The following CFI variants were observed in gnomAD, a reference collection of about 807,000 sequenced individuals.
CFI encodes the protein C3B/C4B inactivator.
A neutral mutation model predicts 78.8 loss-of-function variants in CFI; 66 were observed. That is an observed-to-expected ratio of 0.84 (90% CI 0.69 to 1.03). The LOEUF (loss-of-function observed/expected upper bound fraction) is 1.03, where lower values mean the gene tolerates loss of function less well. Among genes scored for constraint, CFI ranks in the 50% least tolerant of loss-of-function variants. CFI has a pLI of 0.00. For missense variants in CFI, 706 were observed against 704.5 expected (o/e 1.00, Z -0.02); for synonymous variants, 250 against 232.6 (o/e 1.07, Z -0.68).
At chr4:109,736,771 C>T (rs1039595390), downstream of CFI, among the ~76,000 whole-genome samples, 1 of 152,172 alleles carries the variant, frequency 6.6e-6, no homozygotes, top group African/African-American at 2.4e-5. Flanking sequence ...GGGTTCCTGG[C>T]TACTTCCAAA....
chr4:109,777,385 A>C (rs1486913862), intron 1 of CFI, among the ~76,000 whole-genome samples: 1 of 152,204 alleles, frequency 6.6e-6, no homozygotes, highest in Non-Finnish European at 1.5e-5. Flanking sequence ...GAGACAAAGA[A>C]AGTCATTACA....
intron 12 of CFI, 44 bp downstream of exon 12, chr4:109,742,447 A>T (rs1269555712): frequency 8.1e-6 from 10 of 1,238,532 alleles, no homozygotes; most frequent in Non-Finnish European, 1.2e-5. Flanking sequence ...TGATAGGGGA[A>T]ATACATACAT....
intron 7 of CFI, among the ~76,000 whole-genome samples, chr4:109,753,153 A>C (rs369939254): frequency 1.3e-5 from 1 of 75,412 alleles, no homozygotes; most frequent in Non-Finnish European, 2.3e-5. Context: ...ATATATATTT[A>C]TTATATAAAT....
downstream of CFI, among the ~76,000 whole-genome samples, chr4:109,736,138 T>C (rs115763763): frequency 3.3e-3 from 498 of 152,282 alleles, 6 homozygotes; most frequent in African/African-American, 0.011. Flanking sequence ...AGAACAGAAA[T>C]CTATAAACTC....
In CFI at chr4:109,760,282, C is replaced by A; in HGVS notation, c.871G>T (p.Val291Phe). ...GTCTTTCAATTACCTGCACAGCCAA[C>A]TTCATCTTCCCCTGTAATGCAGTCC... Reference protein sequence around the residue: ...EVDCITGEDEVGCAGFASVTQ... With the variant: ...EVDCITGEDEFGCAGFASVTQ... Residue 291 changes from valine (V) to phenylalanine (F), a missense_variant, in exon 6 of 13, where the codon GTT becomes TTT. Coordinates refer to ENST00000394634, the MANE Select transcript of CFI (RefSeq NM_000204.5). 1 of 1,613,418 alleles carries A rather than the reference C, an allele frequency of 6.2e-7. No homozygotes were observed. Among genetic ancestry groups the A allele is most frequent in the Non-Finnish European group, 8.5e-7 (1 of 1,179,330 alleles).
chr4:109,757,950 T>C (rs1195644574), intron 6 of CFI, 167 bp from the exon 7 acceptor site: 3 of 1,465,084 alleles, frequency 2.0e-6, no homozygotes, highest in Non-Finnish European at 2.7e-6. Context: ...AATTGTAGGA[T>C]GTCTAGCTGC....
intron 1 of CFI, among the ~76,000 whole-genome samples, chr4:109,771,161 GC>G (rs1728535573): frequency 6.6e-6 from 1 of 152,032 alleles, no homozygotes. Context: ...GGAGGCTGAG[GC>G]CAGCGGATCA....
At chr4:109,768,220 C>T (rs933574171) in intron 1 of CFI, among the ~76,000 whole-genome samples, 4 of 141,496 alleles carry the variant, frequency 2.8e-5, no homozygotes, top group Admixed American at 7.5e-5. Context: ...CAACATGGCA[C>T]GTGTATGCAT....
chr4:109,801,984 C>T lies in CFI; in HGVS notation c.-13G>A, dbSNP rs113612355. ...GAAGAAGCTTCATGTTGGAGGTGTT[C>T]GGGGTCTTTGTCTCTGCTGAGAACT... On this transcript the variant is annotated 5_prime_UTR_variant, in exon 1 of 13. Coordinates refer to ENST00000394634, the MANE Select transcript of CFI (RefSeq NM_000204.5). 0.022 allele frequency: 35,283 copies of T among 1,607,486 alleles called. 477 individuals carry two copies. The highest frequency in any genetic ancestry group is 0.034 in the Middle Eastern group (203 of 6,046).
At chr4:109,770,633 GAA>G (rs370657391) in intron 1 of CFI, among the ~76,000 whole-genome samples, 68 of 78,298 alleles carry the variant, frequency 8.7e-4, no homozygotes, top group African/African-American at 2.6e-3. Flanking sequence ...ACACAGACCA[GAA>G]AAAAAAAAAA....
intron 11 of CFI, 124 bp downstream of exon 11, chr4:109,746,098 T>A (rs1227767000): frequency 1.6e-5 from 19 of 1,159,544 alleles, no homozygotes; most frequent in Non-Finnish European, 2.0e-5. Flanking sequence ...CATGGCTGGA[T>A]GTTTACTTTT....
chr4:109,770,844 C>A (rs1476613747), intron 1 of CFI, among the ~76,000 whole-genome samples: 2 of 152,034 alleles, frequency 1.3e-5, no homozygotes, highest in Non-Finnish European at 2.9e-5. Context: ...AAGCTAAGCC[C>A]CACAGAACCC....
intron 11 of CFI, among the ~76,000 whole-genome samples, chr4:109,743,422 A>C (rs1724044554): frequency 6.6e-6 from 1 of 152,224 alleles, no homozygotes; most frequent in Admixed American, 6.5e-5. Flanking sequence ...TAGCTGAGGC[A>C]GCGAAAGGGC....
At position 109,746,329 on chromosome 4, in the gene CFI, T is replaced by C. The variant is rs41278047; in HGVS notation, c.1322A>G (p.Lys441Arg). 2.6e-3 allele frequency: 4,248 copies of C among 1,614,214 alleles called. 47 individuals carry two copies. In the Middle Eastern group the frequency reaches 0.03, roughly 11 times the overall value. Residue 441 changes from lysine to arginine, a missense_variant, in exon 11 of 13, where the codon AAA (lysine) becomes AGA (arginine). By Grantham distance (26) the Lys-to-Arg change is conservative. Transcript: ENST00000394634. ...GGAACGAGGCAGCTCACAATCTTTT[T>C]TGTTTCCGTCTTTTTTCATTTCAAT... ...ALIEMKKDGNKKDCELPRSIP... is the reference protein window; with the variant it reads ...ALIEMKKDGNRKDCELPRSIP...
At chr4:109,743,093 T>G (rs1355795530) in intron 11 of CFI, among the ~76,000 whole-genome samples, 1 of 152,246 alleles carries the variant, frequency 6.6e-6, no homozygotes, top group Non-Finnish European at 1.5e-5. Flanking sequence ...CCTAAGTGAT[T>G]TGAAGTTATT....
At chr4:109,768,779 T>C (rs771039451) in intron 1 of CFI, among the ~76,000 whole-genome samples, 1 of 152,218 alleles carries the variant, frequency 6.6e-6, no homozygotes, top group Non-Finnish European at 1.5e-5. Flanking sequence ...AAAATCATAG[T>C]CTTTAAATGC....
chr4:109,798,508 G>GTT (rs35617864), intron 1 of CFI, among the ~76,000 whole-genome samples: 4,133 of 74,756 alleles, frequency 0.055, 158 homozygotes, highest in Middle Eastern at 0.11. Flanking sequence ...TCAATAAAGT[G>GTT]TTTTTTTTTT....
Position 109,761,956 on chromosome 4 carries a change from A to C in CFI, c.483-264T>G, listed in dbSNP as rs1219385550. On this transcript the variant is annotated intron_variant, in intron 3 of 12. Transcript: ENST00000394634. The stretch of plus-strand genomic sequence containing the variant: ...TGTAATCCCAGCACTTTGGGAGGCC[A>C]AGGAGGGTGGATTACCTGAGGTCAA... The C allele has an allele frequency of 7.1e-6, 3 of 422,244 alleles. No homozygotes were observed. In the East Asian group the frequency reaches 1.5e-4, roughly 21 times the overall value. 26.2% of individuals were successfully genotyped at this position (422,244 alleles called of 1,614,324 possible).
chr4:109,798,213 C>A (rs2125876298), intron 1 of CFI, among the ~76,000 whole-genome samples: 1 of 152,248 alleles, frequency 6.6e-6, no homozygotes. Flanking sequence ...AGTCAAAGGT[C>A]AAGATGTATA....
Sources: gnomAD v4.1 joint callset for allele counts (sites outside exome capture counted in the v4.1 genomes callset) on GRCh38, gnomAD v4.1.1 for gene constraint, MANE v1.5 for transcripts, NCBI Gene and HGNC (gene_info 2026-07-23, HGNC 2026-07-21) for gene names.